VGLL3: variants seen among roughly 807,000 people sequenced by gnomAD.
The protein encoded by VGLL3 is transcription cofactor vestigial-like protein 3.
A neutral mutation model predicts 29.2 loss-of-function variants in VGLL3; 18 were observed. The observed-to-expected ratio is 0.62, with a 90% confidence interval of 0.43 to 0.91. The LOEUF (loss-of-function observed/expected upper bound fraction) is 0.91, where lower values mean the gene tolerates loss of function less well. Among genes scored for constraint, VGLL3 ranks in the 40% least tolerant of loss-of-function variants. The pLI is 0.00. For missense variants in VGLL3, 440 were observed against 413.2 expected (o/e 1.06, Z -0.56); for synonymous variants, 180 against 151.8 (o/e 1.19, Z -1.36).
At chr3:86,968,344 A>G (rs1705007766) in intron 3 of VGLL3, among the ~76,000 whole-genome samples, 1 of 152,186 alleles carries the variant, frequency 6.6e-6, no homozygotes, top group African/African-American at 2.4e-5. Flanking sequence ...ATTCCATTTC[A>G]AAGGAACAGA....
At chr3:86,960,580 A>G (rs1313170309) in intron 3 of VGLL3, among the ~76,000 whole-genome samples, 2 of 152,166 alleles carry the variant, frequency 1.3e-5, no homozygotes, top group Admixed American at 1.3e-4. Flanking sequence ...CAAACTTCTC[A>G]GTCTGTACTT....
At position 86,968,830 on chromosome 3, in the gene VGLL3, G is replaced by A. The variant is rs1705020243; in HGVS notation, c.697C>T (p.His233Tyr). ...HDVYMRHHHP[H>Y]AHMHHRHRHH... is the part of the protein sequence containing the mutation. ...CGGTGGCGGTGGTGCATGTGGGCAT[G>A]AGGGTGGTGGTGCCGCATGTACACG... The change falls in exon 3 of 4, where the codon CAT becomes TAT. Residue 233 changes from histidine (H) to tyrosine (Y), a missense_variant. His to Tyr is a moderately conservative substitution (Grantham distance 83). Coordinates refer to ENST00000398399, the MANE Select transcript of VGLL3 (RefSeq NM_016206.4). 1 of 1,614,064 alleles carries A rather than the reference G, an allele frequency of 6.2e-7. No individual in the cohort carries two copies. The highest frequency in any genetic ancestry group is 8.5e-7 in the Non-Finnish European group (1 of 1,180,044).
intron 1 of VGLL3, among the ~76,000 whole-genome samples, chr3:86,983,765 T>C (rs971726422): frequency 1.2e-4 from 18 of 152,180 alleles, no homozygotes; most frequent in African/African-American, 4.1e-4. Flanking sequence ...TTATATGAGG[T>C]TGGGTCAAGT....
chr3:86,959,225 G>C (rs1325279047), intron 3 of VGLL3, among the ~76,000 whole-genome samples: 1 of 152,012 alleles, frequency 6.6e-6, no homozygotes, highest in Non-Finnish European at 1.5e-5. Flanking sequence ...CTTCCATATA[G>C]AACTGTCATT....
At chr3:86,961,819 G>T in intron 3 of VGLL3, 2 of 602,982 alleles carry the variant, frequency 3.3e-6, no homozygotes, top group Non-Finnish European at 4.2e-6. Flanking sequence ...TTATGCAGAA[G>T]TGACAAAGCT....
At chr3:86,954,676 G>A (rs374763087) in intron 3 of VGLL3, among the ~76,000 whole-genome samples, 13 of 152,074 alleles carry the variant, frequency 8.5e-5, no homozygotes, top group African/African-American at 3.1e-4. Flanking sequence ...TGTCAAGGTG[G>A]CCAATAACCT....
intron 1 of VGLL3, among the ~76,000 whole-genome samples, chr3:86,989,962 C>A (rs1031261595): frequency 6.6e-6 from 1 of 152,120 alleles, no homozygotes; most frequent in Admixed American, 6.5e-5. Context: ...TTCAAGGTAA[C>A]CTTTTGGCCG....
chr3:86,967,558 T>C (rs1402171500), intron 3 of VGLL3, among the ~76,000 whole-genome samples: 2 of 152,166 alleles, frequency 1.3e-5, no homozygotes, highest in Non-Finnish European at 2.9e-5. Flanking sequence ...CATTTATGAC[T>C]CTGGGGAATT....
At chr3:86,957,562 C>A (rs1345927516) in intron 3 of VGLL3, among the ~76,000 whole-genome samples, 1 of 152,154 alleles carries the variant, frequency 6.6e-6, no homozygotes, top group South Asian at 2.1e-4. Flanking sequence ...CATTTTGCAT[C>A]TAAGGAAGAG....
chr3:86,987,664 C>T (rs1310721568), intron 1 of VGLL3, among the ~76,000 whole-genome samples: 6 of 152,108 alleles, frequency 3.9e-5, no homozygotes, highest in Non-Finnish European at 4.4e-5. Context: ...CTCTATAAAC[C>T]CCACTGTAGG....
chr3:86,956,857 G>T (rs926382509), intron 3 of VGLL3, among the ~76,000 whole-genome samples: 1 of 150,672 alleles, frequency 6.6e-6, no homozygotes, highest in South Asian at 2.1e-4. Context: ...TCCAATTTAC[G>T]TAGTAATTTA....
chr3:86,984,570 T>C (rs778516596), intron 1 of VGLL3, among the ~76,000 whole-genome samples: 3 of 152,212 alleles, frequency 2.0e-5, no homozygotes, highest in Non-Finnish European at 2.9e-5. Context: ...TCAAACCAAC[T>C]ACTTTGAAGG....
Position 86,941,970 on chromosome 3 carries a change from T to C in VGLL3, c.*5054A>G, listed in dbSNP as rs915399806. 1 of 152,176 alleles carries C rather than the reference T, an allele frequency of 6.6e-6. No individual in the cohort carries two copies. The highest frequency in any genetic ancestry group is 1.5e-5 in the Non-Finnish European group (1 of 68,030). 9.4% of individuals were successfully genotyped at this position (152,176 alleles called of 1,614,324 possible). ...CTTTTTTATAGGTTATATGTTTGTTTTCAACATTCGTTTTTGAATGGATGT... is the reference window on the plus strand; with the variant it reads ...CTTTTTTATAGGTTATATGTTTGTTCTCAACATTCGTTTTTGAATGGATGT... On this transcript the variant is annotated 3_prime_UTR_variant, in exon 4 of 4. Transcript: ENST00000398399.
chr3:86,989,716 G>A (rs1030726457), intron 1 of VGLL3, among the ~76,000 whole-genome samples: 4 of 151,948 alleles, frequency 2.6e-5, no homozygotes, highest in African/African-American at 7.3e-5. Context: ...GTCTGAGGTG[G>A]ACTCTATTTT....
At chr3:86,949,774 C>T (rs2106962378) in intron 3 of VGLL3, among the ~76,000 whole-genome samples, 2 of 149,454 alleles carry the variant, frequency 1.3e-5, no homozygotes, top group South Asian at 4.2e-4. Flanking sequence ...TCACAGTGAG[C>T]CGAGATCATG....
At chr3:86,964,567 G>A (rs901565404) in intron 3 of VGLL3, among the ~76,000 whole-genome samples, 1 of 152,178 alleles carries the variant, frequency 6.6e-6, no homozygotes, top group African/African-American at 2.4e-5. Flanking sequence ...ATAAGAAAGC[G>A]AGCCTTAGAA....
chr3:86,953,523 A>G (rs149075631), intron 3 of VGLL3, among the ~76,000 whole-genome samples: 2 of 152,320 alleles, frequency 1.3e-5, no homozygotes, highest in East Asian at 1.9e-4. Context: ...ATCCAAGCAT[A>G]TGAACATTTA....
chr3:86,962,377 G>T, intron 3 of VGLL3: 1 of 985,298 alleles, frequency 1.0e-6, no homozygotes, highest in Non-Finnish European at 1.2e-6. Flanking sequence ...AGCCCTCACA[G>T]TATGGATCCT....
intron 2 of VGLL3, among the ~76,000 whole-genome samples, chr3:86,975,274 G>A (rs1231914483): frequency 6.6e-6 from 1 of 152,072 alleles, no homozygotes; most frequent in Non-Finnish European, 1.5e-5. Context: ...GAATAAAAAT[G>A]TGAGTCTCAT....
Sources: gnomAD v4.1 joint callset for allele counts (sites outside exome capture counted in the v4.1 genomes callset) on GRCh38, gnomAD v4.1.1 for gene constraint, MANE v1.5 for transcripts, NCBI Gene and HGNC (gene_info 2026-07-23, HGNC 2026-07-21) for gene names.